IL1RAPL1: variants seen among roughly 807,000 people sequenced by gnomAD.
The protein encoded by IL1RAPL1 is interleukin 1 receptor accessory protein like 1.
In IL1RAPL1, 3 loss-of-function variants were observed where a neutral mutation model predicts 48.4. That is an observed-to-expected ratio of 0.06 (90% CI 0.03 to 0.16). The LOEUF (loss-of-function observed/expected upper bound fraction) is 0.16, where lower values mean the gene tolerates loss of function less well. Among genes scored for constraint, IL1RAPL1 ranks in the 10% least tolerant of loss-of-function variants. IL1RAPL1 has a pLI of 1.00. For missense variants in IL1RAPL1, 349 were observed against 530.6 expected, an observed-to-expected ratio of 0.66 and a Z score of 3.36; for synonymous variants, 185 against 187.7, an observed-to-expected ratio of 0.99 and a Z score of 0.12.
At chrX:28,940,334 T>C (rs1250801535) in intron 2 of IL1RAPL1, among the ~76,000 whole-genome samples, 1 of 111,160 alleles carries the variant, frequency 9.0e-6, no homozygotes, top group Non-Finnish European at 1.9e-5. Flanking sequence ...AGCAAAAATA[T>C]TGAGTAGCAT....
intron 6 of IL1RAPL1, among the ~76,000 whole-genome samples, chrX:29,832,656 A>C (rs1028173690): frequency 7.3e-5 from 8 of 109,288 alleles, no homozygotes; most frequent in African/African-American, 2.7e-4. Flanking sequence ...AATGTCCACA[A>C]GCTTTTTTTC....
intron 2 of IL1RAPL1, among the ~76,000 whole-genome samples, chrX:29,129,889 C>T (rs767795076): frequency 4.3e-4 from 48 of 111,306 alleles, no homozygotes; most frequent in African/African-American, 1.2e-3. Context: ...CCACTGCGCC[C>T]GGCCAATAGT....
chrX:28,681,027 A>G (rs907933983), intron 1 of IL1RAPL1, among the ~76,000 whole-genome samples: 1 of 111,506 alleles, frequency 9.0e-6, no homozygotes, highest in African/African-American at 3.3e-5. Context: ...TCACCTGTGA[A>G]GGCATCTGCT....
chrX:28,675,571 A>G (rs188278445), intron 1 of IL1RAPL1, among the ~76,000 whole-genome samples: 74 of 112,205 alleles, frequency 6.6e-4, no homozygotes, highest in African/African-American at 2.4e-3. Flanking sequence ...ATTGAGCATA[A>G]TACTTTACAT....
chrX:28,988,286 A>G (rs1453078055), intron 2 of IL1RAPL1, among the ~76,000 whole-genome samples: 1 of 111,909 alleles, frequency 8.9e-6, no homozygotes, highest in African/African-American at 3.3e-5. Flanking sequence ...TTTTACCTGT[A>G]TGAGGAAGAC....
chrX:29,054,975 T>A (rs1434992441), intron 2 of IL1RAPL1, among the ~76,000 whole-genome samples: 1 of 111,848 alleles, frequency 8.9e-6, no homozygotes, highest in African/African-American at 3.2e-5. Flanking sequence ...TAGTAGTAAA[T>A]TGGACTAGGT....
intron 5 of IL1RAPL1, among the ~76,000 whole-genome samples, chrX:29,627,959 A>C (rs891438881): frequency 8.9e-6 from 1 of 112,060 alleles, no homozygotes; most frequent in African/African-American, 3.2e-5. Flanking sequence ...CTGATTTCTG[A>C]GTGCTGTATG....
rs1329443544 is a variant in IL1RAPL1, at chrX:29,703,590, G to T, written c.778+35086G>T. Among the ~76,000 whole-genome samples, 6 of 111,731 alleles carry T rather than the reference G, an allele frequency of 5.4e-5. No homozygotes were observed. The East Asian group carries it at 1.7e-3, about 32-fold the overall frequency. On this transcript the variant is annotated intron_variant, in intron 6 of 10. Coordinates refer to ENST00000378993, the MANE Select transcript of IL1RAPL1 (RefSeq NM_014271.4). Reference sequence around the variant, plus strand: ...GATCTCCTGACCTCATGATCTGCCTGCCTTGGCCTCCCAAAGTGCTGGGAT... The same window carrying T: ...GATCTCCTGACCTCATGATCTGCCTTCCTTGGCCTCCCAAAGTGCTGGGAT...
chrX:28,830,222 T>C (rs185759772), intron 2 of IL1RAPL1, among the ~76,000 whole-genome samples: 2 of 112,030 alleles, frequency 1.8e-5, no homozygotes, highest in African/African-American at 3.2e-5. Flanking sequence ...ATGTTAATTC[T>C]TTTTTAAATG....
chrX:29,468,283 T>C (rs974383612), intron 5 of IL1RAPL1, among the ~76,000 whole-genome samples: 2 of 112,892 alleles, frequency 1.8e-5, no homozygotes, highest in African/African-American at 6.4e-5. Flanking sequence ...AAGTAAAGAT[T>C]GAAGGAAGCG....
intron 8 of IL1RAPL1, among the ~76,000 whole-genome samples, chrX:29,923,157 A>T (rs753882041): frequency 8.9e-6 from 1 of 112,063 alleles, no homozygotes; most frequent in South Asian, 3.7e-4. Flanking sequence ...TGCCAAGGGG[A>T]TACTATAATA....
At chrX:28,624,693 C>T (rs1206980340) in intron 1 of IL1RAPL1, among the ~76,000 whole-genome samples, 3 of 111,760 alleles carry the variant, frequency 2.7e-5, no homozygotes, top group Non-Finnish European at 5.6e-5. Flanking sequence ...TATCTGAACT[C>T]GGAATCTATA....
chrX:29,251,270 C>A (rs1383670533), intron 2 of IL1RAPL1, among the ~76,000 whole-genome samples: 1 of 86,913 alleles, frequency 1.2e-5, no homozygotes, highest in African/African-American at 3.6e-5. Context: ...TTACATTCAA[C>A]CAATATTTGG....
chrX:29,002,371 T>G (rs1447729279), intron 2 of IL1RAPL1, among the ~76,000 whole-genome samples: 1 of 111,218 alleles, frequency 9.0e-6, no homozygotes, highest in Admixed American at 9.6e-5. Flanking sequence ...AAGGTGGTAA[T>G]TACTGCTGGA....
chrX:28,852,419 A>G (rs1172135978), intron 2 of IL1RAPL1, among the ~76,000 whole-genome samples: 3 of 109,215 alleles, frequency 2.7e-5, no homozygotes, highest in Non-Finnish European at 5.7e-5. Context: ...AAATTTGTGT[A>G]TTTTATGGTG....
intron 8 of IL1RAPL1, among the ~76,000 whole-genome samples, chrX:29,920,818 AGAAAAG>A (rs1932841200): frequency 1.0e-5 from 1 of 95,604 alleles, no homozygotes; most frequent in African/African-American, 4.0e-5. Flanking sequence ...AAAAAAAAAA[AGAAAAG>A]AAAAGAAAGA....
intron 1 of IL1RAPL1, among the ~76,000 whole-genome samples, chrX:28,691,949 A>G (rs866619627): frequency 3.6e-5 from 4 of 111,485 alleles, no homozygotes; most frequent in Non-Finnish European, 7.5e-5. Context: ...TATGAGAAGC[A>G]TGGCACTAGT....
chrX:28,877,698 A>G (rs1922408138), intron 2 of IL1RAPL1, among the ~76,000 whole-genome samples: 1 of 111,783 alleles, frequency 8.9e-6, no homozygotes, highest in Admixed American at 9.5e-5. Flanking sequence ...AATCCTAGAG[A>G]TGGAGGATAG....
intron 2 of IL1RAPL1, among the ~76,000 whole-genome samples, chrX:29,054,090 T>C (rs1448356556): frequency 9.0e-6 from 1 of 111,295 alleles, no homozygotes; most frequent in Non-Finnish European, 1.9e-5. Flanking sequence ...CCAAATCTTA[T>C]CATGTCTCTC....
Sources: allele counts gnomAD v4.1 joint callset (sites outside exome capture counted in the v4.1 genomes callset), GRCh38; gene constraint gnomAD v4.1.1; transcripts MANE v1.5; gene names NCBI Gene and HGNC (gene_info 2026-07-23, HGNC 2026-07-21).